The following TNFAIP8 variants were observed in gnomAD, a reference collection of about 807,000 sequenced individuals.
TNFAIP8 encodes tumor necrosis factor alpha-induced protein 8.
TNFAIP8 carries 7 observed loss-of-function variants against 13.3 expected under a neutral mutation model. That is an observed-to-expected ratio of 0.52 (90% CI 0.30 to 0.99). The LOEUF (loss-of-function observed/expected upper bound fraction) is 0.99, where lower values mean the gene tolerates loss of function less well. TNFAIP8 is among the 50% of genes least tolerant of loss of function. TNFAIP8 has a pLI of 0.07. For missense variants in TNFAIP8, 258 were observed against 236.9 expected, an observed-to-expected ratio of 1.09 and a Z score of -0.58; for synonymous variants, 94 against 87.6, an observed-to-expected ratio of 1.07 and a Z score of -0.41.
chr5:119,271,993 A>G (rs907649052), intron 1 of TNFAIP8, among the ~76,000 whole-genome samples: 9 of 152,202 alleles, frequency 5.9e-5, no homozygotes, highest in African/African-American at 4.8e-5. Context: ...CTAGGCTTCT[A>G]TACTTCAGTT....
At chr5:119,287,508 G>A in intron 1 of TNFAIP8, among the ~76,000 whole-genome samples, 1 of 151,992 alleles carries the variant, frequency 6.6e-6, no homozygotes, top group Non-Finnish European at 1.5e-5. Flanking sequence ...AAACAATACA[G>A]AATTATTAAC....
At chr5:119,332,500 T>G (rs1182890430) in intron 1 of TNFAIP8, among the ~76,000 whole-genome samples, 1 of 152,180 alleles carries the variant, frequency 6.6e-6, no homozygotes, top group Non-Finnish European at 1.5e-5. Flanking sequence ...AGAGTGTTAT[T>G]GCTACAGAGT....
chr5:119,374,345 G>A (rs895846785), intron 1 of TNFAIP8, among the ~76,000 whole-genome samples: 5 of 152,104 alleles, frequency 3.3e-5, no homozygotes, highest in African/African-American at 1.2e-4. Flanking sequence ...GGCATATTTT[G>A]GAGTTTGGAT....
chr5:119,365,232 C>T lies in TNFAIP8; in HGVS notation c.31+9111C>T, dbSNP rs117736791. Among the ~76,000 whole-genome samples, 294 of 152,238 alleles carry T rather than the reference C, an allele frequency of 1.9e-3. 2 individuals carry two copies. The East Asian group carries it at 0.038, about 20-fold the overall frequency. On this transcript the variant is annotated intron_variant, in intron 1 of 1. Coordinates refer to ENST00000504771, the MANE Select transcript of TNFAIP8 (RefSeq NM_014350.4). The stretch of plus-strand genomic sequence containing the variant: ...TTTTTTTCTTCCTGTGACAGGAGTG[C>T]ATGTCTTAGAATACCACTGATGTTT...
chr5:119,277,185 G>A (rs1362901562), intron 1 of TNFAIP8, among the ~76,000 whole-genome samples: 4 of 152,134 alleles, frequency 2.6e-5, no homozygotes, highest in African/African-American at 7.2e-5. Context: ...TGTGGAAACC[G>A]AGACCATAGA....
intron 1 of TNFAIP8, among the ~76,000 whole-genome samples, chr5:119,324,052 G>C (rs1446531783): frequency 2.0e-5 from 3 of 151,814 alleles, no homozygotes; most frequent in Non-Finnish European, 4.4e-5. Flanking sequence ...CTCTAAAAAA[G>C]AATAGAGAAT....
intron 1 of TNFAIP8, among the ~76,000 whole-genome samples, chr5:119,367,875 A>G (rs554135518): frequency 1.3e-5 from 2 of 152,188 alleles, no homozygotes; most frequent in South Asian, 2.1e-4. Context: ...GACATATTCT[A>G]TTATATAGAT....
intron 1 of TNFAIP8, among the ~76,000 whole-genome samples, chr5:119,364,668 A>C (rs1412091628): frequency 6.6e-6 from 1 of 151,570 alleles, no homozygotes; most frequent in Non-Finnish European, 1.5e-5. Flanking sequence ...TCATTTAGGA[A>C]ATTCCAAGAG....
chr5:119,357,996 C>G (rs1362847290), intron 1 of TNFAIP8, among the ~76,000 whole-genome samples: 1 of 151,998 alleles, frequency 6.6e-6, no homozygotes, highest in South Asian at 2.1e-4. Context: ...CTAGAACCTT[C>G]TGGTTAGCTA....
chr5:119,356,716 GTCTGTT>G (rs1249534931), intron 1 of TNFAIP8, among the ~76,000 whole-genome samples: 4 of 152,146 alleles, frequency 2.6e-5, no homozygotes, highest in Non-Finnish European at 4.4e-5. Context: ...AGAAGAGTTT[GTCTGTT>G]TCTAACTTCG....
intron 1 of TNFAIP8, among the ~76,000 whole-genome samples, chr5:119,386,795 C>T (rs931366426): frequency 6.6e-6 from 1 of 152,180 alleles, no homozygotes; most frequent in African/African-American, 2.4e-5. Context: ...GTGTGACAGC[C>T]TCCATCTGTG....
intron 1 of TNFAIP8, among the ~76,000 whole-genome samples, chr5:119,294,371 T>C (rs1391254783): frequency 6.6e-6 from 1 of 152,198 alleles, no homozygotes; most frequent in Non-Finnish European, 1.5e-5. Flanking sequence ...ACAAAGAACA[T>C]GAACTCATCA....
chr5:119,381,538 CAAAAAAT>C (rs1405269254), intron 1 of TNFAIP8, among the ~76,000 whole-genome samples: 2 of 151,612 alleles, frequency 1.3e-5, no homozygotes, highest in East Asian at 1.9e-4. Flanking sequence ...GACCCTGTCT[CAAAAAAT>C]AAAAAATAAA....
upstream of TNFAIP8, among the ~76,000 whole-genome samples, chr5:119,351,021 T>C (rs1751115189): frequency 6.6e-6 from 1 of 151,278 alleles, no homozygotes; most frequent in African/African-American, 2.4e-5. Flanking sequence ...TGTGTGTGTG[T>C]GTGTGTGTGT....
At chr5:119,384,469 C>T (rs752394935) in intron 1 of TNFAIP8, among the ~76,000 whole-genome samples, 13 of 151,844 alleles carry the variant, frequency 8.6e-5, no homozygotes, top group Non-Finnish European at 1.5e-4. Context: ...GGCAAAAGAG[C>T]GACACTCCAT....
At chr5:119,300,857 T>C (rs764004691) in intron 1 of TNFAIP8, among the ~76,000 whole-genome samples, 1 of 152,148 alleles carries the variant, frequency 6.6e-6, no homozygotes, top group Non-Finnish European at 1.5e-5. Flanking sequence ...ATGGAATCTA[T>C]GTGAGGTAGG....
intron 1 of TNFAIP8, among the ~76,000 whole-genome samples, chr5:119,364,654 C>CT (rs1751763282): frequency 6.6e-6 from 1 of 151,416 alleles, no homozygotes; most frequent in Admixed American, 6.6e-5. Context: ...AGTTATCACT[C>CT]TTATCATTTA....
intron 1 of TNFAIP8, among the ~76,000 whole-genome samples, chr5:119,300,559 A>G (rs944469541): frequency 6.6e-6 from 1 of 152,202 alleles, no homozygotes; most frequent in Non-Finnish European, 1.5e-5. Context: ...AGTGATAGTT[A>G]CCATTTTTTC....
At chr5:119,340,594 A>G (rs1306717834) in intron 1 of TNFAIP8, among the ~76,000 whole-genome samples, 2 of 152,158 alleles carry the variant, frequency 1.3e-5, no homozygotes, top group Admixed American at 6.5e-5. Context: ...ACAACCTCGA[A>G]ACCTTCCTTT....
Sources: allele counts gnomAD v4.1 joint callset (sites outside exome capture counted in the v4.1 genomes callset), GRCh38; gene constraint gnomAD v4.1.1; transcripts MANE v1.5; gene names NCBI Gene and HGNC (gene_info 2026-07-23, HGNC 2026-07-21).